IQCM: variants seen among roughly 807,000 people sequenced by gnomAD.
The protein encoded by IQCM is IQ domain-containing protein M.
IQCM carries 45 observed loss-of-function variants against 57.6 expected under a neutral mutation model. The observed-to-expected ratio is 0.78, with a 90% CI of 0.62 to 1.00. The LOEUF is 1.00. IQCM is among the 50% of genes least tolerant of loss of function. The pLI is 0.00. For missense variants in IQCM, 468 were observed against 511.6 expected (o/e 0.91, Z 0.82); for synonymous variants, 148 against 158.9 (o/e 0.93, Z 0.51).
At chr4:149,556,478 T>C (rs990862505) in intron 10 of IQCM, among the ~76,000 whole-genome samples, 20 of 152,180 alleles carry the variant, frequency 1.3e-4, no homozygotes, top group Admixed American at 1.1e-3. Context: ...GTTTGACTTT[T>C]AAATTTGAAA....
intron 2 of IQCM, chr4:149,790,135 TG>T: frequency 1.6e-6 from 1 of 611,294 alleles, no homozygotes; most frequent in South Asian, 3.0e-5. Context: ...TATGGCAGGT[TG>T]GAATGATCTG....
At chr4:149,543,224 T>C (rs189654148) in intron 12 of IQCM, among the ~76,000 whole-genome samples, 2 of 152,220 alleles carry the variant, frequency 1.3e-5, no homozygotes, top group South Asian at 2.1e-4. Flanking sequence ...AACATCCATA[T>C]GGCAGATTAC....
intron 8 of IQCM, 23 bp downstream of exon 8, chr4:149,621,106 C>T: frequency 1.8e-6 from 2 of 1,086,280 alleles, no homozygotes; most frequent in South Asian, 4.7e-5. Context: ...TTCAAATCTA[C>T]ATCCAGTTTT....
At chr4:149,483,748 C>T (rs1043773493) in intron 12 of IQCM, among the ~76,000 whole-genome samples, 2 of 151,824 alleles carry the variant, frequency 1.3e-5, no homozygotes, top group African/African-American at 4.8e-5. Context: ...GTTCTGTAGC[C>T]ATTGGATGAA....
chr4:149,768,100 TA>T (rs1770228884), intron 2 of IQCM, among the ~76,000 whole-genome samples: 2 of 152,140 alleles, frequency 1.3e-5, no homozygotes, highest in South Asian at 4.1e-4. Context: ...CCAAAGTTCC[TA>T]AAATAATAAT....
chr4:149,533,211 T>C (rs879301041), intron 12 of IQCM, among the ~76,000 whole-genome samples: 2 of 152,162 alleles, frequency 1.3e-5, no homozygotes, highest in Non-Finnish European at 2.9e-5. Flanking sequence ...TTAATGTTTA[T>C]TCTACATGTG....
intron 5 of IQCM, among the ~76,000 whole-genome samples, chr4:149,701,179 G>T (rs1170251340): frequency 2.0e-5 from 3 of 152,090 alleles, no homozygotes; most frequent in Non-Finnish European, 4.4e-5. Flanking sequence ...CCCCAGCTGG[G>T]ATACTGTCTG....
At chr4:149,446,271 A>G (rs1183644047) in intron 12 of IQCM, among the ~76,000 whole-genome samples, 1 of 151,774 alleles carries the variant, frequency 6.6e-6, no homozygotes, top group African/African-American at 2.4e-5. Context: ...GCTGTCTTTA[A>G]AAAGGAATTT....
At chr4:149,578,760 T>C (rs1404576260) in intron 9 of IQCM, among the ~76,000 whole-genome samples, 1 of 151,890 alleles carries the variant, frequency 6.6e-6, no homozygotes, top group African/African-American at 2.4e-5. Context: ...AATGTTTTAT[T>C]GCCAACCACG....
chr4:149,718,637 A>G (rs892141180), intron 5 of IQCM, among the ~76,000 whole-genome samples: 45 of 152,238 alleles, frequency 3.0e-4, no homozygotes, highest in African/African-American at 1.1e-3. Context: ...ATTTCCTCAC[A>G]GTTCTGGAGG....
intron 2 of IQCM, among the ~76,000 whole-genome samples, chr4:149,796,178 C>T (rs1213812390): frequency 6.6e-6 from 1 of 152,150 alleles, no homozygotes; most frequent in African/African-American, 2.4e-5. Context: ...GAGGGGAGCC[C>T]ACTCCCTTGA....
chr4:149,641,349 A>G (rs1371030718), intron 7 of IQCM, among the ~76,000 whole-genome samples: 4 of 152,182 alleles, frequency 2.6e-5, no homozygotes, highest in Non-Finnish European at 4.4e-5. Flanking sequence ...CCTTCCCTAT[A>G]TTTAATTATG....
At chr4:149,757,739 A>ATGTG (rs71955935) in intron 2 of IQCM, among the ~76,000 whole-genome samples, 21,412 of 99,864 alleles carry the variant, frequency 0.21, 1,911 homozygotes, top group East Asian at 0.41. Context: ...CTGATATTAT[A>ATGTG]TATGTGTGTG....
intron 13 of IQCM, among the ~76,000 whole-genome samples, chr4:149,384,473 A>G (rs1731282429): frequency 6.6e-6 from 1 of 152,146 alleles, no homozygotes; most frequent in Non-Finnish European, 1.5e-5. Flanking sequence ...ACTGGAGAGT[A>G]GTTGGCATAA....
In IQCM at chr4:149,601,401, C is replaced by T. The variant is rs192358043; in HGVS notation, c.682-13404G>A. On this transcript the variant is annotated intron_variant, in intron 8 of 13. Transcript: ENST00000636793. ...GACACAATGAAACAAAACAGTTGTG[C>T]TACCATTTAGGGAGAAACAGCAAGA... Among the ~76,000 whole-genome samples, 122 of 152,194 alleles carry T rather than the reference C, an allele frequency of 8.0e-4. 1 individual carries two copies. The highest frequency in any genetic ancestry group is 8.0e-3 in the Admixed American group (122 of 15,282).
At chr4:149,581,270 T>C (rs1192853680) in intron 9 of IQCM, among the ~76,000 whole-genome samples, 8 of 151,064 alleles carry the variant, frequency 5.3e-5, no homozygotes, top group African/African-American at 1.9e-4. Flanking sequence ...TTCATATATA[T>C]ATATATACAT....
At chr4:149,734,496 T>C (rs1473524976) in intron 4 of IQCM, among the ~76,000 whole-genome samples, 4 of 152,180 alleles carry the variant, frequency 2.6e-5, no homozygotes, top group African/African-American at 9.6e-5. Context: ...AGTCTTGGCA[T>C]AAAGGACCAT....
chr4:149,778,104 C>T (rs1008672530), intron 2 of IQCM, among the ~76,000 whole-genome samples: 3 of 152,198 alleles, frequency 2.0e-5, no homozygotes, highest in African/African-American at 4.8e-5. Context: ...TGGCCGGGCG[C>T]GGTGGCTCAC....
rs1274450152 is a variant in IQCM at position 149,364,090 on chromosome 4, A to G, written c.1391-12024T>C. On this transcript the variant is annotated intron_variant, in intron 13 of 13. Transcript: ENST00000636793. The stretch of plus-strand genomic sequence containing the variant: ...GAACCCTTTCCAATTTTAAGGAGAT[A>G]AAAACTGAACTGGAAGACTGGAGAA... Among the ~76,000 whole-genome samples the G allele has an allele frequency of 3.9e-5, 6 of 152,198 alleles. No homozygotes were observed. In the East Asian group the frequency reaches 1.2e-3, roughly 29 times the overall value.
Sources: allele counts gnomAD v4.1 joint callset (sites outside exome capture counted in the v4.1 genomes callset), GRCh38; gene constraint gnomAD v4.1.1; transcripts MANE v1.5; gene names NCBI Gene and HGNC (gene_info 2026-07-23, HGNC 2026-07-21).